CALN1: variants seen among roughly 807,000 people sequenced by gnomAD.
The protein encoded by CALN1 is calcium-binding protein 8.
Under a neutral mutation model 30.6 loss-of-function variants are expected in CALN1, and 17 were observed. The ratio of observed to expected loss-of-function variants is 0.56; its 90% confidence interval spans 0.38 to 0.83. The LOEUF (loss-of-function observed/expected upper bound fraction) is 0.83, where lower values mean the gene tolerates loss of function less well. Ranked by LOEUF, CALN1 falls within the 40% of genes least tolerant of loss-of-function variation. The pLI, the probability that CALN1 is intolerant of heterozygous loss-of-function variation, is 0.00. For missense variants in CALN1, 291 were observed against 354.9 expected, an observed-to-expected ratio of 0.82 and a Z score of 1.45; for synonymous variants, 156 against 131.4, an observed-to-expected ratio of 1.19 and a Z score of -1.28.
intron 2 of CALN1, among the ~76,000 whole-genome samples, chr7:72,364,389 C>A (rs958701280): frequency 4.6e-5 from 7 of 152,298 alleles, no homozygotes; most frequent in Non-Finnish European, 8.8e-5. Context: ...ACAGGAATTA[C>A]AACTATAGAT....
intron 2 of CALN1, among the ~76,000 whole-genome samples, chr7:72,398,557 T>C (rs1410562141): frequency 1.3e-5 from 2 of 152,220 alleles, no homozygotes; most frequent in Non-Finnish European, 2.9e-5. Flanking sequence ...TAGGGTTATT[T>C]AGCTGGCATT....
chr7:72,369,657 A>G (rs1256125494), intron 2 of CALN1, among the ~76,000 whole-genome samples: 2 of 151,828 alleles, frequency 1.3e-5, no homozygotes, highest in Non-Finnish European at 2.9e-5. Context: ...TCTCCCTTCC[A>G]TTTCCTCATT....
chr7:72,298,115 C>T (rs1001854936), intron 2 of CALN1, among the ~76,000 whole-genome samples: 16 of 152,246 alleles, frequency 1.1e-4, no homozygotes, highest in African/African-American at 3.6e-4. Context: ...CTTTGAGAAG[C>T]GGTGATTTCC....
At chr7:72,149,239 G>T (rs551384214) in intron 3 of CALN1, among the ~76,000 whole-genome samples, 1 of 152,248 alleles carries the variant, frequency 6.6e-6, no homozygotes, top group African/African-American at 2.4e-5. Context: ...ACCGAGGCGG[G>T]TGGATCACTT....
At chr7:71,788,498 T>TTTTTTTTTTTTG (rs1793116772) in intron 6 of CALN1, among the ~76,000 whole-genome samples, 1 of 150,316 alleles carries the variant, frequency 6.7e-6, no homozygotes, top group African/African-American at 2.5e-5. Context: ...GTTGTTTTTT[T>TTTTTTTTTTTTG]TTTTTTTTTT....
intron 2 of CALN1, among the ~76,000 whole-genome samples, chr7:72,388,310 T>A (rs1218447523): frequency 6.6e-6 from 1 of 152,064 alleles, no homozygotes; most frequent in African/African-American, 2.4e-5. Context: ...AAGAGGTACT[T>A]CCTACCTCCT....
At chr7:72,469,228 C>CTTGT in the CALN1 span, among the ~76,000 whole-genome samples, 1 of 151,944 alleles carries the variant, frequency 6.6e-6, no homozygotes, top group African/African-American at 2.4e-5. Flanking sequence ...TTGGAGTTTT[C>CTTGT]TTGTTTGTTT....
chr7:72,045,996 CA>C (rs34011098), intron 4 of CALN1, among the ~76,000 whole-genome samples: 26,166 of 90,604 alleles, frequency 0.29, 2,785 homozygotes, highest in Middle Eastern at 0.39. Context: ...GACTCCCTCT[CA>C]AAAAAAAAAA....
chr7:72,034,450 G>T (rs1299499581), intron 4 of CALN1, among the ~76,000 whole-genome samples: 1 of 147,288 alleles, frequency 6.8e-6, no homozygotes, highest in African/African-American at 2.5e-5. Flanking sequence ...GGTGCAGGCA[G>T]GATGGTGTCA....
chr7:72,301,782 A>T lies in CALN1; in HGVS notation c.120-22972T>A, dbSNP rs762786204. Among the ~76,000 whole-genome samples, 8 of 152,078 alleles carry T rather than the reference A, an allele frequency of 5.3e-5. No individual in the cohort carries two copies. In the East Asian group the frequency reaches 1.5e-3, roughly 29 times the overall value. On this transcript the variant is annotated intron_variant, in intron 2 of 6. Coordinates refer to ENST00000395275, the MANE Select transcript of CALN1 (RefSeq NM_031468.4). ...CTGGTCAACATGCCCCACTGCTATA[A>T]AAGAGTTTGCAGCCATTGGTCTCAT...
intron 3 of CALN1, among the ~76,000 whole-genome samples, chr7:72,159,178 C>A (rs113998146): frequency 0.026 from 3,952 of 152,110 alleles, 184 homozygotes; most frequent in African/African-American, 0.09. Flanking sequence ...TTTAAAGAAA[C>A]AAACAAAAAG....
At chr7:72,192,759 C>T (rs1048518987) in intron 3 of CALN1, among the ~76,000 whole-genome samples, 24 of 150,508 alleles carry the variant, frequency 1.6e-4, no homozygotes, top group Admixed American at 6.0e-4. Context: ...CCCACTAACT[C>T]GTCATCTAGC....
At chr7:71,982,818 A>G (rs1798469231) in intron 5 of CALN1, among the ~76,000 whole-genome samples, 1 of 152,178 alleles carries the variant, frequency 6.6e-6, no homozygotes, top group Admixed American at 6.5e-5. Context: ...TGAGCTGCAG[A>G]CATAGAAAGG....
chr7:71,936,859 TAGTG>T (rs527624613), intron 5 of CALN1, among the ~76,000 whole-genome samples: 11 of 151,668 alleles, frequency 7.3e-5, no homozygotes, highest in South Asian at 4.1e-4. Context: ...GTTCTCGTGG[TAGTG>T]AGTAAGTCTC....
chr7:72,478,718 G>C, the CALN1 span, among the ~76,000 whole-genome samples: 5,872 of 151,998 alleles, frequency 0.039, 364 homozygotes, highest in African/African-American at 0.13. Context: ...AATGAACTGT[G>C]AGTGTATCAT....
intron 3 of CALN1, among the ~76,000 whole-genome samples, chr7:72,211,494 G>A (rs1792390061): frequency 6.6e-6 from 1 of 151,964 alleles, no homozygotes; most frequent in African/African-American, 2.4e-5. Flanking sequence ...CTGACTTTGG[G>A]CAAATGAACT....
chr7:72,302,224 T>C (rs766638511), intron 2 of CALN1, among the ~76,000 whole-genome samples: 22 of 151,942 alleles, frequency 1.4e-4, no homozygotes, highest in Non-Finnish European at 2.5e-4. Context: ...AGCTTGAGAC[T>C]GAAAATGCCT....
At chr7:72,359,688 G>C (rs1803444008) in intron 2 of CALN1, among the ~76,000 whole-genome samples, 1 of 152,086 alleles carries the variant, frequency 6.6e-6, no homozygotes, top group Non-Finnish European at 1.5e-5. Flanking sequence ...AGTTGACCTG[G>C]ATTGGGGCCG....
chr7:72,482,070 A>G, the CALN1 span, among the ~76,000 whole-genome samples: 2 of 152,176 alleles, frequency 1.3e-5, no homozygotes, highest in African/African-American at 2.4e-5. Context: ...AAGCTCTGTT[A>G]TTAGGAACAT....
Sources: gnomAD v4.1 joint callset for allele counts (sites outside exome capture counted in the v4.1 genomes callset) on GRCh38, gnomAD v4.1.1 for gene constraint, MANE v1.5 for transcripts, NCBI Gene and HGNC (gene_info 2026-07-23, HGNC 2026-07-21) for gene names.